The following SLC35F2 variants were observed in gnomAD, a reference collection of about 807,000 sequenced individuals.
SLC35F2 encodes solute carrier family 35 member F2.
A neutral mutation model predicts 38.1 loss-of-function variants in SLC35F2; 25 were observed. The observed-to-expected ratio is 0.66, with a 90% CI of 0.48 to 0.92. The LOEUF is 0.92. SLC35F2 is among the 40% of genes least tolerant of loss of function. The probability of loss-of-function intolerance (pLI) is 0.00; values close to 1 mark genes in which losing one functional copy is unlikely to be tolerated. For synonymous variants in SLC35F2, 173 were observed against 181.7 expected (o/e 0.95, Z 0.38); for missense variants, 409 against 452.9 (o/e 0.90, Z 0.88).
intron 6 of SLC35F2, among the ~76,000 whole-genome samples, chr11:107,804,490 A>G (rs1372012068): frequency 3.3e-5 from 5 of 152,260 alleles, no homozygotes; most frequent in Non-Finnish European, 4.4e-5. Context: ...CAGGATTCCT[A>G]GTAACCAAAG....
At chr11:107,825,361 CT>C (rs112751391) in intron 1 of SLC35F2, among the ~76,000 whole-genome samples, 4,621 of 123,574 alleles carry the variant, frequency 0.037, 81 homozygotes, top group African/African-American at 0.087. Flanking sequence ...GCATTTCTTT[CT>C]TTTTTTTTTT....
chr11:107,841,744 G>A (rs1403504064), intron 1 of SLC35F2, among the ~76,000 whole-genome samples: 6 of 152,084 alleles, frequency 3.9e-5, no homozygotes, highest in Admixed American at 3.9e-4. Context: ...GGATGAGGCA[G>A]GTGGATCAGT....
intron 6 of SLC35F2, among the ~76,000 whole-genome samples, chr11:107,803,776 A>AACACACAC (rs71047623): frequency 0.064 from 9,512 of 149,350 alleles, 320 homozygotes; most frequent in East Asian, 0.11. Flanking sequence ...TCCCATACTC[A>AACACACAC]ACACACACAC....
In SLC35F2 at chr11:107,815,919, T is replaced by C; in HGVS notation, c.157A>G (p.Ile53Val). The C allele has an allele frequency of 3.1e-6, 5 of 1,613,728 alleles. No individual in the cohort carries two copies. Among genetic ancestry groups the C allele is most frequent in the Non-Finnish European group, 4.2e-6 (5 of 1,179,978 alleles). ...TGGCTGGTGATGGCTGTCCCACATA[T>C]ACACAAGGACAACATCTGACCCAGG... ...IALGQMLSLC[I>V]CGTAITSQYL... The change falls in exon 2 of 8, where the codon ATA (isoleucine) becomes GTA (valine). Residue 53 changes from isoleucine (I) to valine (V), a missense_variant. Transcript: ENST00000525815.
chr11:107,853,416 G>A (rs1225503362), intron 1 of SLC35F2, among the ~76,000 whole-genome samples: 1 of 152,116 alleles, frequency 6.6e-6, no homozygotes, highest in Non-Finnish European at 1.5e-5. Context: ...TCCAAGGCTT[G>A]GTGAATGAAA....
In SLC35F2 at chr11:107,858,664, A is replaced by T; in HGVS notation, c.104T>A (p.Phe35Tyr). The change falls in exon 1 of 8, where the codon TTC (phenylalanine) becomes TAC (tyrosine). Residue 35 changes from phenylalanine to tyrosine, a missense_variant. Phe to Tyr is a conservative substitution (Grantham distance 22). Transcript: ENST00000525815. ...GCACGCCCCTTCCACTCACCAGGTG[A>T]AGAGTTTGCCTTTTATCCTGCGCAG... is the stretch of plus-strand genomic sequence containing the variant. ...SLLRRIKGKL[F>Y]TWNILKTIAL... 1.5e-6 allele frequency: 2 copies of T among 1,299,620 alleles called. No individual in the cohort carries two copies. Among genetic ancestry groups the T allele is most frequent in the Non-Finnish European group, 2.0e-6 (2 of 1,015,960 alleles). 80.5% of individuals were successfully genotyped at this position (1,299,620 alleles called of 1,614,324 possible).
At chr11:107,814,207 C>T (rs35504236) in intron 2 of SLC35F2, among the ~76,000 whole-genome samples, 9,272 of 152,122 alleles carry the variant, frequency 0.061, 310 homozygotes, top group East Asian at 0.1. Context: ...TGGACAGGCA[C>T]CTATAATCCC....
chr11:107,846,161 T>C (rs1220614135), intron 1 of SLC35F2, among the ~76,000 whole-genome samples: 1 of 151,114 alleles, frequency 6.6e-6, no homozygotes, highest in African/African-American at 2.4e-5. Flanking sequence ...GTTAATACAG[T>C]AGAAATCATA....
chr11:107,845,695 G>A (rs1248841836), intron 1 of SLC35F2, among the ~76,000 whole-genome samples: 1 of 151,958 alleles, frequency 6.6e-6, no homozygotes, highest in Non-Finnish European at 1.5e-5. Flanking sequence ...GCTCATGCCT[G>A]TAATCCCAGC....
At chr11:107,803,346 A>G (rs1190511821) in intron 6 of SLC35F2, 191 bp from the exon 7 acceptor site, 1 of 985,148 alleles carries the variant, frequency 1.0e-6, no homozygotes, top group Non-Finnish European at 1.2e-6. Flanking sequence ...GCAAGTTGTG[A>G]TGTAGATAAA....
chr11:107,832,262 G>A (rs1406312276), intron 1 of SLC35F2, among the ~76,000 whole-genome samples: 2 of 152,164 alleles, frequency 1.3e-5, no homozygotes, highest in Admixed American at 6.6e-5. Context: ...TTCTACCTCT[G>A]AGCATTCCCA....
intron 1 of SLC35F2, among the ~76,000 whole-genome samples, chr11:107,857,254 C>T (rs1045171652): frequency 5.5e-5 from 8 of 144,538 alleles, no homozygotes; most frequent in Non-Finnish European, 1.0e-4. Flanking sequence ...AACTGGAGTA[C>T]AGATAACTGA....
chr11:107,812,740 G>C (rs998212344), intron 2 of SLC35F2, among the ~76,000 whole-genome samples: 1 of 152,068 alleles, frequency 6.6e-6, no homozygotes, highest in African/African-American at 2.4e-5. Context: ...CAAAATTTCT[G>C]GATATGAGCT....
chr11:107,811,121 A>C, intron 3 of SLC35F2: 1 of 985,368 alleles, frequency 1.0e-6, no homozygotes, highest in Non-Finnish European at 1.2e-6. Context: ...AACTGAAATC[A>C]GTTGTCTTCA....
chr11:107,814,575 T>C (rs1859536611), intron 2 of SLC35F2, among the ~76,000 whole-genome samples: 1 of 152,170 alleles, frequency 6.6e-6, no homozygotes. Context: ...TTTGATACTG[T>C]AATGGTAAAT....
rs78329512 is a variant in SLC35F2, at chr11:107,790,995, T to C, written c.*1620A>G. The C allele has an allele frequency of 6.6e-6, 1 of 152,602 alleles. No homozygotes were observed. Among genetic ancestry groups the C allele is most frequent in the Non-Finnish European group, 1.5e-5 (1 of 68,038 alleles). The allele number at this position is 152,602 out of a possible 1,614,324, so 9.5% of individuals were successfully genotyped here. A position where few individuals can be genotyped will look rare whatever the true frequency, so the allele number is the denominator to read the frequency against. On this transcript the variant is annotated 3_prime_UTR_variant, in exon 8 of 8. Transcript: ENST00000525815. ...TCAAAGAAACCACACAGTTGATGTA[T>C]TTCCATGAATTCAAAGCCTTTTAAT...
At chr11:107,848,820 T>G (rs961026764) in intron 1 of SLC35F2, among the ~76,000 whole-genome samples, 2 of 152,192 alleles carry the variant, frequency 1.3e-5, no homozygotes, top group Non-Finnish European at 2.9e-5. Flanking sequence ...TTGTTTCCCA[T>G]GGTGAACCCT....
intron 1 of SLC35F2, among the ~76,000 whole-genome samples, chr11:107,843,960 A>G (rs1565440822): frequency 6.8e-6 from 1 of 147,280 alleles, no homozygotes. Context: ...GTCATAGGCC[A>G]GTGATTATGA....
chr11:107,824,898 T>C (rs1859729159), intron 1 of SLC35F2, among the ~76,000 whole-genome samples: 1 of 152,204 alleles, frequency 6.6e-6, no homozygotes, highest in Admixed American at 6.5e-5. Context: ...CATGGCTCTA[T>C]ATATGCACCA....
Sources: gnomAD v4.1 joint callset for allele counts (sites outside exome capture counted in the v4.1 genomes callset) on GRCh38, gnomAD v4.1.1 for gene constraint, MANE v1.5 for transcripts, NCBI Gene and HGNC (gene_info 2026-07-23, HGNC 2026-07-21) for gene names.